PRKCE: variants seen among roughly 807,000 people sequenced by gnomAD.
PRKCE encodes protein kinase C epsilon, also known as protein kinase C epsilon type.
PRKCE carries 16 observed loss-of-function variants against 85.4 expected under a neutral mutation model. That is an observed-to-expected ratio of 0.19 (90% CI 0.13 to 0.28). The LOEUF (loss-of-function observed/expected upper bound fraction) is 0.28, where lower values mean the gene tolerates loss of function less well. PRKCE is among the 10% of genes least tolerant of loss of function. The pLI, the probability that PRKCE is intolerant of heterozygous loss-of-function variation, is 1.00. For missense variants in PRKCE, 573 were observed against 975.2 expected, an observed-to-expected ratio of 0.59 and a Z score of 5.49; for synonymous variants, 388 against 371.5, an observed-to-expected ratio of 1.04 and a Z score of -0.51.
At chr2:45,712,239 C>G (rs1233628384) in intron 1 of PRKCE, among the ~76,000 whole-genome samples, 1 of 149,762 alleles carries the variant, frequency 6.7e-6, no homozygotes, top group East Asian at 2.0e-4. Context: ...CCTCCACCTC[C>G]CAGGTTCAAG....
intron 2 of PRKCE, among the ~76,000 whole-genome samples, chr2:45,884,951 A>T (rs1695136337): frequency 1.1e-5 from 1 of 90,320 alleles, no homozygotes; most frequent in Admixed American, 1.4e-4. Context: ...GTTATATGTG[A>T]TCCATATATA....
chr2:45,766,815 G>C (rs576619288), intron 1 of PRKCE, among the ~76,000 whole-genome samples: 18 of 152,232 alleles, frequency 1.2e-4, no homozygotes, highest in Non-Finnish European at 2.5e-4. Context: ...CAAGGTGGGA[G>C]GATTGCCTGA....
intron 1 of PRKCE, among the ~76,000 whole-genome samples, chr2:45,741,465 A>AC (rs386645627): frequency 7.9e-6 from 1 of 126,392 alleles, no homozygotes; most frequent in South Asian, 2.3e-4. Flanking sequence ...GGCCAGTAGC[A>AC]CCAGAATGGG....
Position 45,843,073 on chromosome 2 carries a change from C to T in PRKCE, c.412+10C>T, listed in dbSNP as rs1346195416. On this transcript the variant is annotated intron_variant, in intron 2 of 14. Coordinates refer to ENST00000306156, the MANE Select transcript of PRKCE (RefSeq NM_005400.3). ...GGGTCGTCGGGTGAAGGTAGGAGAG[C>T]GTGACTTCTCATCCCTGTTTTCTTC... 9 of 1,612,508 alleles carry T rather than the reference C, an allele frequency of 5.6e-6. No individual in the cohort carries two copies. The highest frequency in any genetic ancestry group is 3.3e-5 in the South Asian group (3 of 91,048).
intron 1 of PRKCE, among the ~76,000 whole-genome samples, chr2:45,790,867 G>A (rs1019917617): frequency 6.6e-6 from 1 of 152,226 alleles, no homozygotes; most frequent in Non-Finnish European, 1.5e-5. Context: ...TGGTCCTGAT[G>A]ATGGTGCTGG....
At chr2:45,901,033 G>A (rs1011960821) in intron 2 of PRKCE, among the ~76,000 whole-genome samples, 2 of 152,210 alleles carry the variant, frequency 1.3e-5, no homozygotes, top group Admixed American at 6.5e-5. Flanking sequence ...GGATGGAGAT[G>A]CTTTCGCTGG....
chr2:45,927,660 C>T (rs1698731674), intron 2 of PRKCE, among the ~76,000 whole-genome samples: 1 of 152,196 alleles, frequency 6.6e-6, no homozygotes. Context: ...ATTTCATCTC[C>T]AGAACTGTAA....
intron 1 of PRKCE, among the ~76,000 whole-genome samples, chr2:45,667,810 A>G (rs1039016434): frequency 6.6e-6 from 1 of 151,818 alleles, no homozygotes; most frequent in African/African-American, 2.4e-5. Context: ...AAAAAAAGTG[A>G]AAAAGGATGC....
At chr2:45,921,472 C>G (rs893558452) in intron 2 of PRKCE, among the ~76,000 whole-genome samples, 1 of 152,220 alleles carries the variant, frequency 6.6e-6, no homozygotes, top group African/African-American at 2.4e-5. Context: ...CATGTATTAG[C>G]TTATTTGTTC....
chr2:45,743,159 T>G (rs1208046007), intron 1 of PRKCE, among the ~76,000 whole-genome samples: 1 of 152,120 alleles, frequency 6.6e-6, no homozygotes, highest in Non-Finnish European at 1.5e-5. Flanking sequence ...AAACTTTCAA[T>G]TATAAGATGA....
chr2:45,799,765 T>C (rs1159865974), intron 1 of PRKCE, among the ~76,000 whole-genome samples: 1 of 152,184 alleles, frequency 6.6e-6, no homozygotes, highest in African/African-American at 2.4e-5. Flanking sequence ...ACATTTAATT[T>C]GTACAAGGAG....
At chr2:46,067,101 G>A (rs1667684196) in intron 10 of PRKCE, among the ~76,000 whole-genome samples, 1 of 152,134 alleles carries the variant, frequency 6.6e-6, no homozygotes, top group Non-Finnish European at 1.5e-5. Flanking sequence ...TGTTACTGCT[G>A]TGCCAAAAAT....
chr2:45,785,029 C>G (rs1686485514), intron 1 of PRKCE, among the ~76,000 whole-genome samples: 2 of 152,176 alleles, frequency 1.3e-5, no homozygotes, highest in Non-Finnish European at 2.9e-5. Flanking sequence ...CAGCTTAGGG[C>G]TAGAGTGTCA....
chr2:45,977,546 A>G (rs1183564409), intron 3 of PRKCE, among the ~76,000 whole-genome samples: 1 of 151,876 alleles, frequency 6.6e-6, no homozygotes, highest in Non-Finnish European at 1.5e-5. Flanking sequence ...CTGAAACATG[A>G]GAATCACTTT....
At chr2:46,046,905 C>T (rs1486036943) in intron 10 of PRKCE, among the ~76,000 whole-genome samples, 1 of 152,170 alleles carries the variant, frequency 6.6e-6, no homozygotes, top group African/African-American at 2.4e-5. Flanking sequence ...GGTAGGACAG[C>T]CCTATTTCCA....
intron 2 of PRKCE, among the ~76,000 whole-genome samples, chr2:45,859,243 C>T (rs2345629): frequency 0.17 from 26,254 of 151,592 alleles, 2,690 homozygotes; most frequent in Non-Finnish European, 0.24. Flanking sequence ...TATTCCTAGA[C>T]GTTGGGATTA....
In PRKCE at chr2:45,652,519, G is replaced by T; in HGVS notation, c.348+71G>T. 7.2e-7 allele frequency: 1 copy of T among 1,390,866 alleles called. No individual in the cohort carries two copies. The highest frequency in any genetic ancestry group is 9.7e-7 in the Non-Finnish European group (1 of 1,033,538). The allele number at this position is 1,390,866 out of a possible 1,614,324, so 86.2% of individuals were successfully genotyped here. A position where few individuals can be genotyped will look rare whatever the true frequency, so the allele number is the denominator to read the frequency against. On this transcript the variant is annotated intron_variant, in intron 1 of 14. Transcript: ENST00000306156. This position sits in a 1 kb window ranked among gnomAD's most constrained non-coding sequence, Gnocchi z 7.7. ...TCCCGGGGAAAGACTCGCTGGTCTT[G>T]ATCGTAGGGCTCCGGGACTTATTGA...
chr2:45,994,995 G>A (rs1704103867), intron 6 of PRKCE, among the ~76,000 whole-genome samples: 1 of 152,190 alleles, frequency 6.6e-6, no homozygotes, highest in African/African-American at 2.4e-5. Context: ...TAATAGGTGT[G>A]TAGTGGTATC....
rs1325015711 is a variant in PRKCE at position 46,135,745 on chromosome 2, GCTTTTTTTTTT to G, written c.1593-9347_1593-9337del. On this transcript the variant is annotated intron_variant, in intron 11 of 14. Transcript: ENST00000306156. ...TACCTTGGGTTCAGAAACAAATTAT[GCTTTTTTTTTT>G]TTTTTTTTTTTTTTTTTAATGTAGG... 2.3e-3 allele frequency among the ~76,000 whole-genome samples: 35 copies of G among 14,924 alleles called. 1 individual carries two copies. The highest frequency in any genetic ancestry group is 9.1e-3 in the African/African-American group (34 of 3,722). 9.8% of individuals were successfully genotyped at this position (14,924 alleles called of 152,430 possible). A position where few individuals can be genotyped will look rare whatever the true frequency, so the allele number is the denominator to read the frequency against.
Sources: allele counts gnomAD v4.1 joint callset (sites outside exome capture counted in the v4.1 genomes callset), GRCh38; gene constraint gnomAD v4.1.1; non-coding constraint Gnocchi (gnomAD v3.1); transcripts MANE v1.5; gene names NCBI Gene and HGNC (gene_info 2026-07-23, HGNC 2026-07-21).